The following REEP4 variants were observed in gnomAD, a reference collection of about 807,000 sequenced individuals.
REEP4 encodes receptor expression-enhancing protein 4.
REEP4 carries 17 observed loss-of-function variants against 33.5 expected under a neutral mutation model. That is an observed-to-expected ratio of 0.51 (90% CI 0.35 to 0.76). REEP4 has a LOEUF of 0.76. REEP4 is among the 30% of genes least tolerant of loss of function. REEP4 has a pLI of 0.01. For synonymous variants in REEP4, 157 were observed against 142.9 expected (o/e 1.10, Z -0.70); for missense variants, 340 against 357.9 (o/e 0.95, Z 0.40).
chr8:22,139,274 G>T, intron 5 of REEP4, 142 bp downstream of exon 5: 1 of 924,960 alleles, frequency 1.1e-6, no homozygotes, highest in Non-Finnish European at 1.7e-6. Flanking sequence ...CCAGCTCCAC[G>T]CTTCTGCCAA....
Position 22,141,542 on chromosome 8 carries a change from C to G in REEP4, c.-60G>C. 6.4e-7 allele frequency: 1 copy of G among 1,559,866 alleles called. No individual in the cohort carries two copies. Among genetic ancestry groups the G allele is most frequent in the Non-Finnish European group, 8.7e-7 (1 of 1,150,644 alleles). On this transcript the variant is annotated 5_prime_UTR_variant, in exon 1 of 8. Transcript: ENST00000306306. Reference sequence around the variant, plus strand: ...GAAGCCGCTCAGAAGGACGTTCACTCAAGGGCTGGGACGGGGGGTGATCAG... The same window carrying G: ...GAAGCCGCTCAGAAGGACGTTCACTGAAGGGCTGGGACGGGGGGTGATCAG...
Position 22,138,432 on chromosome 8 carries a change from A to T in REEP4, c.*55T>A, listed in dbSNP as rs1430447545. 1.3e-6 allele frequency: 2 copies of T among 1,597,214 alleles called. No homozygotes were observed. The highest frequency in any genetic ancestry group is 1.3e-5 in the African/African-American group (1 of 74,690). ...GATGTGCAGCCCAAGGTCCCTCCAA[A>T]TAGCCCTGGAGCCCTGCAGGGCACG... On this transcript the variant is annotated 3_prime_UTR_variant, in exon 8 of 8. Transcript: ENST00000306306.
intron 4 of REEP4, 144 bp downstream of exon 4, chr8:22,139,819 G>A (rs1827197533): frequency 1.0e-6 from 1 of 992,412 alleles, no homozygotes. Flanking sequence ...GATGAGGTAG[G>A]CTGGGCCCTG....
At position 22,140,014 on chromosome 8, in the gene REEP4, G is replaced by A. The variant is rs1189329893; in HGVS notation, c.252C>T (p.Ala84=). The A allele has an allele frequency of 1.0e-5, 16 of 1,601,858 alleles. No individual in the cohort carries two copies. Among genetic ancestry groups the A allele is most frequent in the Middle Eastern group, 3.3e-4 (2 of 6,066 alleles). ...LWLLSPYTKG[A]SLLYRKFVHP... is the part of the protein sequence containing the mutation. ...GGACAAACTTGCGGTAAAGCAGGCT[G>A]GCGCCCTTGGTGTAGGGTGAGAGCA... is the stretch of plus-strand genomic sequence containing the variant. The change falls in exon 4 of 8, where the codon GCC becomes GCT. Residue 84 remains alanine (A), a synonymous_variant. Coordinates refer to ENST00000306306, the MANE Select transcript of REEP4 (RefSeq NM_025232.4).
At chr8:22,139,645 G>A (rs192279350) in intron 4 of REEP4, 116 bp from the exon 5 acceptor site, 2 of 844,906 alleles carry the variant, frequency 2.4e-6, no homozygotes, top group Non-Finnish European at 3.6e-6. Flanking sequence ...CCCACCTGGT[G>A]CCCAGAGCCA....
rs1827236142 is a variant in REEP4 at position 22,141,768 on chromosome 8, T to C, written c.-286A>G. On this transcript the variant is annotated 5_prime_UTR_variant, in exon 1 of 8. Transcript: ENST00000306306. ...AGTTACAGCTCCCACCCGCCCTTTC[T>C]GCCGCGGAGAACCTGGCGCTCGGCC... 1 of 384,594 alleles carries C rather than the reference T, an allele frequency of 2.6e-6. No homozygotes were observed. The highest frequency in any genetic ancestry group is 3.9e-5 in the East Asian group (1 of 25,520). 23.8% of individuals were successfully genotyped at this position (384,594 alleles called of 1,614,324 possible).
rs1003130871 is a variant in REEP4, at chr8:22,138,998, C to A, written c.481G>T (p.Asp161Tyr). 1.9e-6 allele frequency: 3 copies of A among 1,607,644 alleles called. No homozygotes were observed. The highest frequency in any genetic ancestry group is 2.7e-5 in the African/African-American group (2 of 74,782). Residue 161 changes from aspartate to tyrosine, a missense_variant, in exon 6 of 8, where the codon GAC becomes TAC. Physicochemically the swap from Asp to Tyr is radical, Grantham distance 160. Transcript: ENST00000306306. ...TCATGGTAGGCAGGGGCAGGTGCGT[C>A]AGAGATGGAGCGCAGGTCCTGCATG... ...FSMQDLRSIS[D>Y]APAPAYHDPL...
chr8:22,140,778 G>A (rs1279369159), intron 1 of REEP4, 81 bp from the exon 2 acceptor site: 1 of 1,246,268 alleles, frequency 8.0e-7, no homozygotes, highest in Non-Finnish European at 1.1e-6. Context: ...CCCCACTGGG[G>A]TGCAAGGTGG....
In REEP4 at chr8:22,140,089, A is replaced by G. The variant is rs1176433111; in HGVS notation, c.183-6T>C. 2.5e-6 allele frequency: 4 copies of G among 1,614,042 alleles called. No homozygotes were observed. In the Admixed American group the frequency reaches 5.0e-5, roughly 20 times the overall value. On this transcript the variant is annotated splice_polypyrimidine_tract_variant and splice_region_variant and intron_variant, in intron 3 of 7. Transcript: ENST00000306306. ...TCTCATAGTAGAAAGGGAACCTGTC[A>G]CAGCACAAGGGGCAGGGTGAGCCAA... is the stretch of plus-strand genomic sequence containing the variant.
chr8:22,140,383 C>G (rs1827210310), intron 2 of REEP4, 135 bp from the exon 3 acceptor site: 3 of 943,296 alleles, frequency 3.2e-6, no homozygotes, highest in East Asian at 5.0e-5. Context: ...TGGACAGGAG[C>G]TCTGAGAAAC....
intron 1 of REEP4, 33 bp downstream of exon 1, chr8:22,141,418 G>T: frequency 6.3e-7 from 1 of 1,596,560 alleles, no homozygotes; most frequent in Admixed American, 1.7e-5. Context: ...CGGCACCCCG[G>T]GGTAGAGGAG....
In REEP4 at chr8:22,141,479, C is replaced by T; in HGVS notation, c.4G>A (p.Val2Met). Residue 2 changes from valine to methionine, a missense_variant, in exon 1 of 8, where the codon GTG (valine) becomes ATG (methionine). By Grantham distance (21) the Val-to-Met change is conservative (BLOSUM62 1). Transcript: ENST00000306306. M[V>M]SWMICRLVVL... ...ACCAGGCGACAGATCATCCAGGACA[C>T]CATCTTGCCGGCCTTTGGGACGTGG... is the stretch of plus-strand genomic sequence containing the variant. The T allele has an allele frequency of 3.1e-6, 5 of 1,592,128 alleles. No individual in the cohort carries two copies. The highest frequency in any genetic ancestry group is 4.3e-6 in the Non-Finnish European group (5 of 1,170,378).
rs757967294 is a variant in REEP4 at position 22,140,125 on chromosome 8, TG to T, written c.183-43del. The stretch of plus-strand genomic sequence containing the variant: ...GGCAGGGTGAGCCAAGGAGCAGGGC[TG>T]GGGGGGCCACCCCTGACCCATGGCT... On this transcript the variant is annotated intron_variant, in intron 3 of 7. Transcript: ENST00000306306. The T allele has an allele frequency of 3.1e-6, 5 of 1,613,856 alleles. No individual in the cohort carries two copies. In the East Asian group the frequency reaches 6.7e-5, roughly 22 times the overall value.
At chr8:22,141,309 C>T in intron 1 of REEP4, 142 bp downstream of exon 1, 2 of 1,017,716 alleles carry the variant, frequency 2.0e-6, no homozygotes, top group Non-Finnish European at 1.4e-6. Context: ...CGCGTGCAAG[C>T]CCACAGGTCC....
At chr8:22,140,521 T>C in intron 2 of REEP4, 104 bp downstream of exon 2, 1 of 1,038,780 alleles carries the variant, frequency 9.6e-7, no homozygotes. Context: ...CCCACTCCAC[T>C]CAGGATGTGC....
Position 22,139,002 on chromosome 8 carries a change from G to A in REEP4, c.477C>T (p.Ile159=). 1 of 1,607,404 alleles carries A rather than the reference G, an allele frequency of 6.2e-7. No homozygotes were observed. Among genetic ancestry groups the A allele is most frequent in the South Asian group, 1.1e-5 (1 of 90,190 alleles). Reference sequence around the variant, plus strand: ...GGTAGGCAGGGGCAGGTGCGTCAGAGATGGAGCGCAGGTCCTGCATGGAGA... The same window carrying A: ...GGTAGGCAGGGGCAGGTGCGTCAGAAATGGAGCGCAGGTCCTGCATGGAGA... ...RSFSMQDLRS[I]SDAPAPAYHD... is the part of the protein sequence containing the mutation. The change falls in exon 6 of 8, where the codon ATC becomes ATT. Residue 159 remains isoleucine (I), a synonymous_variant. Coordinates refer to ENST00000306306, the MANE Select transcript of REEP4 (RefSeq NM_025232.4).
At position 22,140,055 on chromosome 8, in the gene REEP4, C is replaced by A; in HGVS notation, c.211G>T (p.Ala71Ser). ...GGTGAGAGCAGCCACAGCACGAAGG[C>A]CATCTTGATCTCATAGTAGAAAGGG... Reference protein sequence around the residue: ...WFPFYYEIKMAFVLWLLSPYT... With the variant: ...WFPFYYEIKMSFVLWLLSPYT... The change falls in exon 4 of 8, where the codon GCC (alanine) becomes TCC (serine). Residue 71 changes from alanine (A) to serine (S), a missense_variant. Physicochemically the swap from Ala to Ser is moderately conservative, Grantham distance 99. Transcript: ENST00000306306. The A allele has an allele frequency of 6.2e-7, 1 of 1,613,372 alleles. No individual in the cohort carries two copies. Among genetic ancestry groups the A allele is most frequent in the Non-Finnish European group, 8.5e-7 (1 of 1,179,654 alleles).
At position 22,138,736 on chromosome 8, in the gene REEP4, G is replaced by A. The variant is rs1285825927; in HGVS notation, c.611C>T (p.Thr204Ile). Residue 204 changes from threonine (T) to isoleucine (I), a missense_variant, in exon 7 of 8, where the codon ACT (threonine) becomes ATT (isoleucine). By Grantham distance (89) the Thr-to-Ile change is moderately conservative. Coordinates refer to ENST00000306306, the MANE Select transcript of REEP4 (RefSeq NM_025232.4). ...SDTEDECWSD[T>I]EAVPRAPARP... The stretch of plus-strand genomic sequence containing the variant: ...GGCTGGCGCCCGGGGGACTGCCTCA[G>A]TATCTGACCAACACTCATCCTCGGT... 10 of 1,612,860 alleles carry A rather than the reference G, an allele frequency of 6.2e-6. No individual in the cohort carries two copies. The highest frequency in any genetic ancestry group is 8.5e-6 in the Non-Finnish European group (10 of 1,179,758).
In REEP4 at chr8:22,138,314, C is replaced by A; in HGVS notation, c.*173G>T. ...TGCTTTGGTACATTGTGGGTGCATC[C>A]CTGCATGTGGCCTTGGCAGCATCTG... On this transcript the variant is annotated 3_prime_UTR_variant, in exon 8 of 8. Coordinates refer to ENST00000306306, the MANE Select transcript of REEP4 (RefSeq NM_025232.4). 1.8e-6 allele frequency: 1 copy of A among 557,680 alleles called. No individual in the cohort carries two copies. The highest frequency in any genetic ancestry group is 4.0e-4 in the Middle Eastern group (1 of 2,502). The allele number at this position is 557,680 out of a possible 1,614,324, so 34.5% of individuals were successfully genotyped here. A position where few individuals can be genotyped will look rare whatever the true frequency, so the allele number is the denominator to read the frequency against.
Sources: allele counts gnomAD v4.1 joint callset, GRCh38; gene constraint gnomAD v4.1.1; transcripts MANE v1.5; gene names NCBI Gene and HGNC (gene_info 2026-07-23, HGNC 2026-07-21).